MECOM: variants seen among roughly 807,000 people sequenced by gnomAD.
The protein encoded by MECOM is histone-lysine N-methyltransferase MECOM.
In MECOM, 13 loss-of-function variants were observed where a neutral mutation model predicts 116.3. The observed-to-expected ratio is 0.11, with a 90% CI of 0.07 to 0.18. MECOM has a LOEUF of 0.18. Ranked by LOEUF, MECOM falls within the 10% of genes least tolerant of loss-of-function variation. MECOM has a pLI of 1.00. For synonymous variants in MECOM, 528 were observed against 535.2 expected (o/e 0.99, Z 0.19); for missense variants, 1,299 against 1,509.0 (o/e 0.86, Z 2.31).
intron 9 of MECOM, among the ~76,000 whole-genome samples, chr3:169,110,489 T>C (rs1157903932): frequency 1.3e-5 from 2 of 152,086 alleles, no homozygotes; most frequent in African/African-American, 4.8e-5. Context: ...ATCCCAGCTA[T>C]ATATAGCATG....
At chr3:169,219,843 T>A (rs1268192855) in intron 2 of MECOM, among the ~76,000 whole-genome samples, 1 of 149,330 alleles carries the variant, frequency 6.7e-6, no homozygotes, top group Non-Finnish European at 1.5e-5. Flanking sequence ...ATCATCCTAA[T>A]TTTTTATCAA....
chr3:169,480,279 G>T lies in MECOM; in HGVS notation c.38-98755C>A, dbSNP rs1038930332. Among the ~76,000 whole-genome samples the T allele has an allele frequency of 2.0e-5, 3 of 152,250 alleles. No homozygotes were observed. In the South Asian group the frequency reaches 6.2e-4, roughly 32 times the overall value. ...CTTCCATCCTAATCTCCACCTCAAA[G>T]CATTGGGCTCTACCTGCTAGCTTGC... On this transcript the variant is annotated intron_variant, in intron 1 of 16. Coordinates refer to ENST00000651503, the MANE Select transcript of MECOM (RefSeq NM_004991.4).
chr3:169,557,325 GA>G (rs1217006348), intron 1 of MECOM, among the ~76,000 whole-genome samples: 1 of 151,380 alleles, frequency 6.6e-6, no homozygotes, highest in Admixed American at 6.6e-5. Context: ...CTATTAAAAG[GA>G]AAAAAAAGGG....
At chr3:169,442,260 C>A (rs918023900) in intron 1 of MECOM, among the ~76,000 whole-genome samples, 1 of 152,126 alleles carries the variant, frequency 6.6e-6, no homozygotes, top group African/African-American at 2.4e-5. Flanking sequence ...GGGGTTTCAC[C>A]ATGTTGTCCA....
intron 1 of MECOM, among the ~76,000 whole-genome samples, chr3:169,586,379 A>G (rs1385153231): frequency 2.0e-5 from 3 of 152,196 alleles, no homozygotes; most frequent in African/African-American, 4.8e-5. Flanking sequence ...AGTTAGCATA[A>G]TTTCTTTATT....
chr3:169,548,815 G>A (rs1761030121), intron 1 of MECOM, among the ~76,000 whole-genome samples: 1 of 152,208 alleles, frequency 6.6e-6, no homozygotes, highest in Admixed American at 6.5e-5. Context: ...TAGGTTATAG[G>A]TTTACATATG....
intron 1 of MECOM, among the ~76,000 whole-genome samples, chr3:169,458,846 G>C (rs920532681): frequency 2.6e-5 from 4 of 152,204 alleles, no homozygotes; most frequent in Non-Finnish European, 5.9e-5. Flanking sequence ...GTAATGTAGA[G>C]CAGAGGCACT....
intron 2 of MECOM, among the ~76,000 whole-genome samples, chr3:169,284,481 A>G (rs1012531816): frequency 1.3e-5 from 2 of 152,068 alleles, no homozygotes; most frequent in African/African-American, 2.4e-5. Flanking sequence ...CCCCTTTAAC[A>G]AATAATTAGG....
At chr3:169,642,336 T>C (rs1232787721) in intron 1 of MECOM, among the ~76,000 whole-genome samples, 1 of 150,656 alleles carries the variant, frequency 6.6e-6, no homozygotes, top group Non-Finnish European at 1.5e-5. Context: ...TATTTAGAAA[T>C]GGGATTTTAA....
chr3:169,097,704 C>T (rs1722062940), intron 12 of MECOM, among the ~76,000 whole-genome samples: 2 of 151,376 alleles, frequency 1.3e-5, no homozygotes, highest in Non-Finnish European at 2.9e-5. Flanking sequence ...GTGGCACCTG[C>T]CTATACTATA....
chr3:169,513,492 G>A (rs975696493), intron 1 of MECOM, among the ~76,000 whole-genome samples: 1 of 152,214 alleles, frequency 6.6e-6, no homozygotes, highest in Non-Finnish European at 1.5e-5. Context: ...GCTTTAAGAT[G>A]TTTCCATTGC....
chr3:169,115,730 G>T lies in MECOM; in HGVS notation c.2142C>A (p.Asp714Glu). ...SQSMYPFPDR[D>E]LRSLPLKMEP... ...CCATTTTCAAAGGTAACGATCTCAA[G>T]TCTCTATCAGGAAATGGGTACATTG... Residue 714 changes from aspartate to glutamate, a missense_variant, in exon 8 of 17, where the codon GAC (aspartate) becomes GAA (glutamate). Asp to Glu is a conservative substitution (Grantham distance 45). Around this residue, in one of 6 missense-constraint regions of MECOM, gnomAD observed 340 missense variants for 312.6 expected, o/e 1.09. Transcript: ENST00000651503. 3 of 1,614,112 alleles carry T rather than the reference G, an allele frequency of 1.9e-6. No homozygotes were observed. Among genetic ancestry groups the T allele is most frequent in the Non-Finnish European group, 2.5e-6 (3 of 1,180,018 alleles).
At chr3:169,214,922 A>G (rs1454291282) in intron 2 of MECOM, among the ~76,000 whole-genome samples, 2 of 148,296 alleles carry the variant, frequency 1.3e-5, no homozygotes, top group Non-Finnish European at 3.0e-5. Flanking sequence ...ATATATACAT[A>G]TATATACACA....
chr3:169,246,562 T>G (rs1302539683), intron 2 of MECOM, among the ~76,000 whole-genome samples: 1 of 143,484 alleles, frequency 7.0e-6, no homozygotes, highest in Non-Finnish European at 1.5e-5. Context: ...GGAGTCTCAC[T>G]ATGTCACCCA....
At chr3:169,635,643 A>G (rs1343462295) in intron 1 of MECOM, among the ~76,000 whole-genome samples, 1 of 152,232 alleles carries the variant, frequency 6.6e-6, no homozygotes, top group Non-Finnish European at 1.5e-5. Flanking sequence ...ATATTCATTG[A>G]ACATGTAAAA....
At chr3:169,114,367 T>C (rs1032192612) in intron 8 of MECOM, among the ~76,000 whole-genome samples, 59 of 152,286 alleles carry the variant, frequency 3.9e-4, no homozygotes, top group African/African-American at 1.4e-3. Flanking sequence ...CAGTGTTTCC[T>C]TGTTAACGCA....
At chr3:169,651,474 T>C (rs1324181971) in intron 1 of MECOM, among the ~76,000 whole-genome samples, 2 of 152,228 alleles carry the variant, frequency 1.3e-5, no homozygotes, top group African/African-American at 4.8e-5. Flanking sequence ...TAGTTTTCTT[T>C]TTTGGTTACG....
intron 12 of MECOM, among the ~76,000 whole-genome samples, chr3:169,096,423 A>G (rs534909646): frequency 6.6e-6 from 1 of 152,096 alleles, no homozygotes; most frequent in East Asian, 1.9e-4. Context: ...GGCACGTGTC[A>G]CCATGCTCGG....
intron 1 of MECOM, among the ~76,000 whole-genome samples, chr3:169,523,957 T>C (rs920463417): frequency 6.7e-6 from 1 of 148,344 alleles, no homozygotes; most frequent in Non-Finnish European, 1.5e-5. Flanking sequence ...TGTGTGTATA[T>C]ATACACACAT....
Sources: gnomAD v4.1 joint callset for allele counts (sites outside exome capture counted in the v4.1 genomes callset) on GRCh38, gnomAD v4.1.1 for gene constraint, gnomAD v4.1.1 regional missense constraint, MANE v1.5 for transcripts, NCBI Gene and HGNC (gene_info 2026-07-23, HGNC 2026-07-21) for gene names.